INVS: variants seen among roughly 807,000 people sequenced by gnomAD.
The protein encoded by INVS is inversin.
INVS carries 86 observed loss-of-function variants against 108.8 expected under a neutral mutation model. The ratio of observed to expected loss-of-function variants is 0.79; its 90% CI spans 0.66 to 0.95. The LOEUF (loss-of-function observed/expected upper bound fraction) is 0.95, where lower values mean the gene tolerates loss of function less well. Among genes scored for constraint, INVS ranks in the 40% least tolerant of loss-of-function variants. INVS has a pLI of 0.00. For missense variants in INVS, 1,169 were observed against 1,297.4 expected, an observed-to-expected ratio of 0.90 and a Z score of 1.52; for synonymous variants, 455 against 473.5, an observed-to-expected ratio of 0.96 and a Z score of 0.51.
At chr9:100,100,976 TATATATA>T (rs1826953706) in intron 1 of INVS, among the ~76,000 whole-genome samples, 1 of 72,664 alleles carries the variant, frequency 1.4e-5, no homozygotes, top group Non-Finnish European at 2.4e-5. Context: ...ATATATATTA[TATATATA>T]ATATATATGT....
chr9:100,193,272 G>A (rs907908011), intron 3 of INVS, among the ~76,000 whole-genome samples: 9 of 152,006 alleles, frequency 5.9e-5, no homozygotes, highest in South Asian at 2.1e-4. Flanking sequence ...CAGTCATTGC[G>A]CCCAGTCAGC....
rs770493291 is a variant in INVS at position 100,157,267 on chromosome 9, C to CTTTTTTTTTTTTTTTTTTTT, written c.273+30733_273+30734insTTTTTTTTTTTTTTTTTTTT. ...GAAATAGTAAAAATTTCTTTTTTTT[C>CTTTTTTTTTTTTTTTTTTTT]TTTTTTTTTTTTTTTGAGGCAGAGT... On this transcript the variant is annotated intron_variant, in intron 3 of 16. Coordinates refer to ENST00000262457, the MANE Select transcript of INVS (RefSeq NM_014425.5). Among the ~76,000 whole-genome samples, 268 of 130,050 alleles carry CTTTTTTTTTTTTTTTTTTTT rather than the reference C, an allele frequency of 2.1e-3. 10 individuals carry two copies. Among genetic ancestry groups the CTTTTTTTTTTTTTTTTTTTT allele is most frequent in the African/African-American group, 7.1e-3 (217 of 30,472 alleles). 85.3% of individuals were successfully genotyped at this position (130,050 alleles called of 152,430 possible). A position where few individuals can be genotyped will look rare whatever the true frequency, so the allele number is the denominator to read the frequency against.
At chr9:100,162,907 C>A (rs749442241) in intron 3 of INVS, among the ~76,000 whole-genome samples, 1 of 151,936 alleles carries the variant, frequency 6.6e-6, no homozygotes, top group African/African-American at 2.4e-5. Context: ...AGGAGACCAA[C>A]CAATATCAGG....
At chr9:100,264,742 T>C in intron 10 of INVS, 80 bp from the exon 11 acceptor site, 1 of 958,576 alleles carries the variant, frequency 1.0e-6, no homozygotes, top group Non-Finnish European at 1.7e-6. Flanking sequence ...ATTGCTTATA[T>C]TAATTTTGAA....
At chr9:100,279,788 T>C (rs931463453) in intron 12 of INVS, among the ~76,000 whole-genome samples, 1 of 152,146 alleles carries the variant, frequency 6.6e-6, no homozygotes, top group African/African-American at 2.4e-5. Context: ...TGAATATTCA[T>C]GGGATGGGAA....
At chr9:100,298,741 T>TG (rs1466665748) in intron 16 of INVS, among the ~76,000 whole-genome samples, 1 of 150,964 alleles carries the variant, frequency 6.6e-6, no homozygotes. Context: ...AACCTGGAGG[T>TG]GGGGGACAGA....
intron 10 of INVS, among the ~76,000 whole-genome samples, chr9:100,253,437 T>C (rs1832310112): frequency 6.6e-6 from 1 of 152,140 alleles, no homozygotes; most frequent in East Asian, 1.9e-4. Flanking sequence ...AATTATACTT[T>C]AAGTTCTAGG....
intron 2 of INVS, among the ~76,000 whole-genome samples, chr9:100,108,816 T>C (rs2118834881): frequency 6.6e-6 from 1 of 152,346 alleles, no homozygotes; most frequent in East Asian, 1.9e-4. Context: ...CTGCCCATTG[T>C]CCTGGAGGAG....
At chr9:100,145,799 G>A (rs1025109551) in intron 3 of INVS, among the ~76,000 whole-genome samples, 8 of 152,096 alleles carry the variant, frequency 5.3e-5, no homozygotes, top group Non-Finnish European at 8.8e-5. Context: ...GACCAGCGCC[G>A]GAGTTTTGGG....
intron 5 of INVS, among the ~76,000 whole-genome samples, chr9:100,239,764 G>A (rs2118491352): frequency 6.6e-6 from 1 of 152,162 alleles, no homozygotes; most frequent in Admixed American, 6.5e-5. Flanking sequence ...TTGAGCCTAG[G>A]AATTCAAGAC....
rs184927193 is a variant in INVS at position 100,155,135 on chromosome 9, C to T, written c.273+28586C>T. 5.9e-3 allele frequency among the ~76,000 whole-genome samples: 885 copies of T among 150,896 alleles called. 7 individuals carry two copies. Among genetic ancestry groups the T allele is most frequent in the South Asian group, 0.019 (92 of 4,756 alleles). Reference sequence around the variant, plus strand: ...CTGAGGCACAAGAATTGCTTGAACCCGGGAGGCAGAGGTTGCAGAGAGCCG... The same window carrying T: ...CTGAGGCACAAGAATTGCTTGAACCTGGGAGGCAGAGGTTGCAGAGAGCCG... On this transcript the variant is annotated intron_variant, in intron 3 of 16. Transcript: ENST00000262457.
chr9:100,269,188 TA>T lies in INVS; in HGVS notation c.1572-3674del, dbSNP rs373887814. 7.9e-5 allele frequency among the ~76,000 whole-genome samples: 12 copies of T among 152,284 alleles called. No individual in the cohort carries two copies. In the South Asian group the frequency reaches 2.5e-3, roughly 32 times the overall value. On this transcript the variant is annotated intron_variant, in intron 11 of 16. Transcript: ENST00000262457. ...CTGCATTCTATAGAAACAATTTACA[TA>T]ACCTTTGGTAAGTTGCTTAACCTCT...
intron 10 of INVS, among the ~76,000 whole-genome samples, chr9:100,259,054 G>C (rs1208346841): frequency 6.6e-6 from 1 of 152,230 alleles, no homozygotes; most frequent in Admixed American, 6.5e-5. Flanking sequence ...TTGAGCTGCG[G>C]TGGGCTCCAC....
chr9:100,255,027 T>C (rs1269594605), intron 10 of INVS, among the ~76,000 whole-genome samples: 2 of 152,234 alleles, frequency 1.3e-5, no homozygotes, highest in African/African-American at 4.8e-5. Context: ...ATTTTCACGA[T>C]ATTGATTCTT....
chr9:100,133,764 TAC>T (rs147744972), intron 3 of INVS, among the ~76,000 whole-genome samples: 3,807 of 123,774 alleles, frequency 0.031, 85 homozygotes, highest in South Asian at 0.054. Context: ...CTGCCAAAGC[TAC>T]ACACACACAC....
At chr9:100,165,868 A>G (rs1298734781) in intron 3 of INVS, among the ~76,000 whole-genome samples, 2 of 151,926 alleles carry the variant, frequency 1.3e-5, no homozygotes, top group Non-Finnish European at 2.9e-5. Context: ...GGAATCAGCT[A>G]TTTCTCCAAT....
intron 2 of INVS, among the ~76,000 whole-genome samples, chr9:100,112,571 G>C (rs940526295): frequency 3.9e-5 from 6 of 151,946 alleles, no homozygotes; most frequent in Non-Finnish European, 7.4e-5. Flanking sequence ...AATTAGGACA[G>C]GGGTGTTCAA....
intron 3 of INVS, chr9:100,129,665 ATTGT>A (rs1827998052): frequency 1.4e-6 from 1 of 707,044 alleles, no homozygotes; most frequent in African/African-American, 1.8e-5. Context: ...TACTATATAC[ATTGT>A]TTGAAGGCAT....
At chr9:100,226,579 G>A (rs141310382) in intron 4 of INVS, among the ~76,000 whole-genome samples, 82 of 152,186 alleles carry the variant, frequency 5.4e-4, no homozygotes, top group African/African-American at 1.8e-3. Context: ...TTGGGAGGCC[G>A]AGGCAAGTGG....
Sources: allele counts gnomAD v4.1 joint callset (sites outside exome capture counted in the v4.1 genomes callset), GRCh38; gene constraint gnomAD v4.1.1; transcripts MANE v1.5; gene names NCBI Gene and HGNC (gene_info 2026-07-23, HGNC 2026-07-21).